The following CFAP46 variants were observed in gnomAD, a reference collection of about 807,000 sequenced individuals.
CFAP46 encodes the protein cilia- and flagella-associated protein 46.
Under a neutral mutation model 325.7 loss-of-function variants are expected in CFAP46, and 245 were observed. That is an observed-to-expected ratio of 0.75 (90% CI 0.68 to 0.84). The LOEUF (loss-of-function observed/expected upper bound fraction) is 0.84, where lower values mean the gene tolerates loss of function less well. Among genes scored for constraint, CFAP46 ranks in the 40% least tolerant of loss-of-function variants. The pLI, the probability that CFAP46 is intolerant of heterozygous loss-of-function variation, is 0.00. For missense variants in CFAP46, 3,346 were observed against 3,543.0 expected, an observed-to-expected ratio of 0.94 and a Z score of 1.41; for synonymous variants, 1,523 against 1,495.9, an observed-to-expected ratio of 1.02 and a Z score of -0.42.
At position 132,822,373 on chromosome 10, in the gene CFAP46, C is replaced by CTG. The variant is rs201656704; in HGVS notation, c.7118-7461_7118-7460dup. ...TGTGCTGTGTGTGCAGTGATGTGTG[C>CTG]TGTGTGTGTGCTGATGTGTGCTGAT... On this transcript the variant is annotated intron_variant, in intron 50 of 57. Transcript: ENST00000368586. Among the ~76,000 whole-genome samples the CTG allele has an allele frequency of 8.3e-3, 1,036 of 124,628 alleles. 40 individuals carry two copies. Among genetic ancestry groups the CTG allele is most frequent in the African/African-American group, 0.031 (974 of 31,036 alleles). 81.8% of individuals were successfully genotyped at this position (124,628 alleles called of 152,430 possible). A position where few individuals can be genotyped will look rare whatever the true frequency, so the allele number is the denominator to read the frequency against.
At position 132,834,742 on chromosome 10, in the gene CFAP46, G is replaced by T. The variant is rs562594842; in HGVS notation, c.6778C>A (p.Arg2260Ser). Residue 2260 changes from arginine (R) to serine (S), a missense_variant, in exon 48 of 58, where the codon CGC (arginine) becomes AGC (serine). Transcript: ENST00000368586. ...PEGLQVEEKE[R>S]PVQRLSSVLG... ...ACGCTACTGAGCCTCTGCACAGGGCGCTCCTTCTCTTCCACCTGCAGGCCT... is the reference window on the plus strand; with the variant it reads ...ACGCTACTGAGCCTCTGCACAGGGCTCTCCTTCTCTTCCACCTGCAGGCCT... The T allele has an allele frequency of 1.6e-5, 26 of 1,612,562 alleles. No homozygotes were observed. The highest frequency in any genetic ancestry group is 2.2e-5 in the Non-Finnish European group (26 of 1,179,418).
chr10:132,818,396 A>AG (rs908881622), intron 50 of CFAP46, among the ~76,000 whole-genome samples: 3 of 152,124 alleles, frequency 2.0e-5, no homozygotes, highest in African/African-American at 7.2e-5. Flanking sequence ...CATGATCATG[A>AG]GGTGAAGAAA....
At chr10:132,925,183 G>A (rs1162708157) in intron 10 of CFAP46, among the ~76,000 whole-genome samples, 1 of 152,228 alleles carries the variant, frequency 6.6e-6, no homozygotes, top group Non-Finnish European at 1.5e-5. Context: ...CTCTTTCCTG[G>A]GGCCTGTGCT....
At chr10:132,844,071 C>G (rs1848394881) in intron 44 of CFAP46, among the ~76,000 whole-genome samples, 1 of 130,448 alleles carries the variant, frequency 7.7e-6, no homozygotes. Context: ...GGTGGGTGTT[C>G]CCAGGGTGCT....
At position 132,886,517 on chromosome 10, in the gene CFAP46, A is replaced by G. The variant is rs139388272; in HGVS notation, c.3305-558T>C. Reference sequence around the variant, plus strand: ...GGGAGGTGAGCCCCACCCAGCCTCCATAGGGCGCCCTGTGGGCCATCAGTG... The same window carrying G: ...GGGAGGTGAGCCCCACCCAGCCTCCGTAGGGCGCCCTGTGGGCCATCAGTG... On this transcript the variant is annotated intron_variant, in intron 25 of 57. Transcript: ENST00000368586. The surrounding 1 kb of genome is among the most constrained non-coding windows in gnomAD (Gnocchi z 5.8). Among the ~76,000 whole-genome samples, 2 of 152,264 alleles carry G rather than the reference A, an allele frequency of 1.3e-5. No individual in the cohort carries two copies. The highest frequency in any genetic ancestry group is 3.9e-4 in the East Asian group (2 of 5,162).
intron 17 of CFAP46, 117 bp downstream of exon 17, chr10:132,916,432 A>G: frequency 8.6e-7 from 1 of 1,166,916 alleles, no homozygotes; most frequent in Admixed American, 3.4e-5. Context: ...CCCCCACGCA[A>G]GAAGCCGGTG....
chr10:132,831,038 C>T (rs929629612), intron 50 of CFAP46, among the ~76,000 whole-genome samples: 4 of 152,040 alleles, frequency 2.6e-5, no homozygotes, highest in Non-Finnish European at 5.9e-5. Context: ...TTCTTTTATC[C>T]GTGGGTATTT....
At chr10:132,904,621 A>G (rs11146577) in intron 22 of CFAP46, among the ~76,000 whole-genome samples, 46,082 of 152,092 alleles carry the variant, frequency 0.3, 7,364 homozygotes, top group East Asian at 0.47. Context: ...CAGCCCCCAC[A>G]TCCTCCTGTT....
intron 8 of CFAP46, among the ~76,000 whole-genome samples, chr10:132,932,738 A>G (rs1849932307): frequency 6.6e-6 from 1 of 151,780 alleles, no homozygotes; most frequent in Non-Finnish European, 1.5e-5. Flanking sequence ...TGACAGGCTG[A>G]GGCTAAAATT....
rs372445837 is a variant in CFAP46 at position 132,912,540 on chromosome 10, C to CCT, written c.2499+113_2499+114dup. The CCT allele has an allele frequency of 5.5e-5, 41 of 750,378 alleles. No individual in the cohort carries two copies. The East Asian group carries it at 8.6e-4, about 16-fold the overall frequency. The allele number at this position is 750,378 out of a possible 1,614,324, so 46.5% of individuals were successfully genotyped here. A position where few individuals can be genotyped will look rare whatever the true frequency, so the allele number is the denominator to read the frequency against. The stretch of plus-strand genomic sequence containing the variant: ...CTCTCTCTCTTCACCTCTCTCCTCT[C>CCT]CTCTCTCTCTCTCTTCACCTCTCTC... On this transcript the variant is annotated intron_variant, in intron 19 of 57. Transcript: ENST00000368586.
chr10:132,841,601 A>G (rs1848346324), intron 44 of CFAP46, among the ~76,000 whole-genome samples: 1 of 152,198 alleles, frequency 6.6e-6, no homozygotes. Context: ...GTCTCTGCCC[A>G]GGCCTCCAGG....
At chr10:132,923,076 G>A (rs1195204334) in intron 11 of CFAP46, among the ~76,000 whole-genome samples, 1 of 152,234 alleles carries the variant, frequency 6.6e-6, no homozygotes. Context: ...GGCTGCGAAG[G>A]AGGCTAGGGT....
intron 27 of CFAP46, 77 bp from the exon 28 acceptor site, chr10:132,881,109 T>G: frequency 7.5e-7 from 1 of 1,337,684 alleles, no homozygotes. Context: ...ATACTTTTAT[T>G]GCTCATTTTC....
rs974747856 is a variant in CFAP46, at chr10:132,919,833, G to A, written c.1730+226C>T. ...TGACAGCAGTGACAGGCGGGACAGG[G>A]CAGCCGCACACCTCATAGGCCGTGG... On this transcript the variant is annotated intron_variant, in intron 14 of 57. Coordinates refer to ENST00000368586, the MANE Select transcript of CFAP46 (RefSeq NM_001200049.3). This position sits in a 1 kb window ranked among gnomAD's most constrained non-coding sequence, Gnocchi z 9.7. Among the ~76,000 whole-genome samples the A allele has an allele frequency of 6.6e-6, 1 of 152,150 alleles. No homozygotes were observed. The highest frequency in any genetic ancestry group is 2.4e-5 in the African/African-American group (1 of 41,444).
At position 132,808,587 on chromosome 10, in the gene CFAP46, G is replaced by C; in HGVS notation, c.7982C>G (p.Ala2661Gly). 6.2e-7 allele frequency: 1 copy of C among 1,612,686 alleles called. No homozygotes were observed. Among genetic ancestry groups the C allele is most frequent in the Non-Finnish European group, 8.5e-7 (1 of 1,179,786 alleles). ...PPPATSRKAA[A>G]WTSSSACLCA... is the part of the protein sequence containing the mutation. ...CAGGCAGGCAGAGCTCGAGGTCCAG[G>C]CGGCTGCCTTGCGGGAAGTCGCTGG... Residue 2661 changes from alanine (A) to glycine (G), a missense_variant, in exon 58 of 58, where the codon GCC (alanine) becomes GGC (glycine). Physicochemically the swap from Ala to Gly is moderately conservative, Grantham distance 60. Transcript: ENST00000368586. The surrounding 1 kb of genome is among the most constrained non-coding windows in gnomAD (Gnocchi z 6.8).
Position 132,886,999 on chromosome 10 carries a change from TCTCTCTCTCGC to T in CFAP46, c.3305-1051_3305-1041del, listed in dbSNP as rs1398805007. The stretch of plus-strand genomic sequence containing the variant: ...GATCTGTCTTCTCTCTTTTCTCTTC[TCTCTCTCTCGC>T]CTCTCTCTCTGCTCTCTTCTCTCTT... On this transcript the variant is annotated intron_variant, in intron 25 of 57. Transcript: ENST00000368586. The surrounding 1 kb of genome is among the most constrained non-coding windows in gnomAD (Gnocchi z 5.8). 7.9e-5 allele frequency among the ~76,000 whole-genome samples: 12 copies of T among 151,932 alleles called. No individual in the cohort carries two copies. Among genetic ancestry groups the T allele is most frequent in the African/African-American group, 2.4e-4 (10 of 41,420 alleles).
intron 50 of CFAP46, among the ~76,000 whole-genome samples, chr10:132,821,666 T>G (rs1194175087): frequency 7.1e-6 from 1 of 140,496 alleles, no homozygotes. Context: ...GTGTGCTGTG[T>G]GTGCTGTGTG....
At chr10:132,856,769 CAA>C (rs1170099264) in intron 39 of CFAP46, among the ~76,000 whole-genome samples, 1 of 152,170 alleles carries the variant, frequency 6.6e-6, no homozygotes, top group Non-Finnish European at 1.5e-5. Context: ...TTTGATTGAT[CAA>C]TTATTCTTCC....
Position 132,827,890 on chromosome 10 carries a change from A to G in CFAP46, c.7117+5468T>C, listed in dbSNP as rs1848085402. Among the ~76,000 whole-genome samples the G allele has an allele frequency of 6.6e-6, 1 of 151,184 alleles. No individual in the cohort carries two copies. Among genetic ancestry groups the G allele is most frequent in the African/African-American group, 2.5e-5 (1 of 40,644 alleles). On this transcript the variant is annotated intron_variant, in intron 50 of 57. Coordinates refer to ENST00000368586, the MANE Select transcript of CFAP46 (RefSeq NM_001200049.3). This position sits in a 1 kb window ranked among gnomAD's most constrained non-coding sequence, Gnocchi z 5.7. ...CCATCCCTGTGCACTCCCTTGATCC[A>G]GCCTCTTTCCCTCAGCGTAATCCTT...
Sources: gnomAD v4.1 joint callset for allele counts (sites outside exome capture counted in the v4.1 genomes callset) on GRCh38, gnomAD v4.1.1 for gene constraint, Gnocchi (gnomAD v3.1) non-coding constraint, MANE v1.5 for transcripts, NCBI Gene and HGNC (gene_info 2026-07-23, HGNC 2026-07-21) for gene names.